The following HELQ variants were observed in gnomAD, a reference collection of about 807,000 sequenced individuals.
HELQ encodes helicase, POLQ like, also known as helicase POLQ-like.
In HELQ, 77 loss-of-function variants were observed where a neutral mutation model predicts 111.6. The ratio of observed to expected loss-of-function variants is 0.69; its 90% CI spans 0.57 to 0.83. The LOEUF (loss-of-function observed/expected upper bound fraction) is 0.83. HELQ is among the 40% of genes least tolerant of loss of function. The pLI is 0.00. For missense variants in HELQ, 1,200 were observed against 1,288.5 expected (o/e 0.93, Z 1.05); for synonymous variants, 438 against 454.7 (o/e 0.96, Z 0.47).
chr4:83,441,428 T>C, intron 6 of HELQ, 25 bp from the exon 7 acceptor site: 3 of 1,038,050 alleles, frequency 2.9e-6, no homozygotes, highest in Non-Finnish European at 3.0e-6. Flanking sequence ...ACATTTGCAA[T>C]TAATACGACA....
At chr4:83,433,186 T>A (rs942870624) in intron 9 of HELQ, among the ~76,000 whole-genome samples, 3 of 152,170 alleles carry the variant, frequency 2.0e-5, no homozygotes, top group African/African-American at 7.2e-5. Flanking sequence ...TCCTCTTTAT[T>A]TATAAATCTC....
At chr4:83,413,637 A>G (rs2109962866) in intron 17 of HELQ, among the ~76,000 whole-genome samples, 1 of 152,326 alleles carries the variant, frequency 6.6e-6, no homozygotes, top group African/African-American at 2.4e-5. Flanking sequence ...GTTTTCTAGT[A>G]ACCAACAGTA....
At chr4:83,407,778 A>C (rs1193006054) in intron 17 of HELQ, among the ~76,000 whole-genome samples, 1 of 152,226 alleles carries the variant, frequency 6.6e-6, no homozygotes, top group African/African-American at 2.4e-5. Context: ...ACTGCCTTTT[A>C]GTATACCAAA....
intron 17 of HELQ, among the ~76,000 whole-genome samples, chr4:83,408,810 G>T (rs1184744610): frequency 3.3e-5 from 5 of 151,608 alleles, no homozygotes; most frequent in African/African-American, 4.8e-5. Context: ...GAAATAGAGG[G>T]TCTAAAATGA....
intron 2 of HELQ, among the ~76,000 whole-genome samples, chr4:83,452,949 C>T (rs1721475939): frequency 6.6e-6 from 1 of 151,508 alleles, no homozygotes; most frequent in South Asian, 2.1e-4. Context: ...GACTTGCTAA[C>T]AACTTATTAT....
intron 1 of HELQ, among the ~76,000 whole-genome samples, chr4:83,454,732 G>T (rs1721643993): frequency 6.6e-6 from 1 of 151,930 alleles, no homozygotes; most frequent in Admixed American, 6.6e-5. Flanking sequence ...CGGCCAGATT[G>T]TAATTCTTAA....
At chr4:83,420,689 G>A (rs1739631151) in intron 15 of HELQ, among the ~76,000 whole-genome samples, 2 of 152,122 alleles carry the variant, frequency 1.3e-5, no homozygotes, top group South Asian at 4.1e-4. Flanking sequence ...AGAGGTTGAG[G>A]CAGGAGAATT....
At chr4:83,442,260 ATTT>A (rs70949710) in intron 6 of HELQ, among the ~76,000 whole-genome samples, 3 of 82,054 alleles carry the variant, frequency 3.7e-5, no homozygotes, top group African/African-American at 1.5e-4. Flanking sequence ...AAAAACATCA[ATTT>A]TTTTTTTTTT....
chr4:83,454,590 AT>A (rs1165924514), intron 1 of HELQ, among the ~76,000 whole-genome samples: 69 of 144,696 alleles, frequency 4.8e-4, no homozygotes, highest in African/African-American at 5.6e-4. Context: ...AGAAAAAAAA[AT>A]TTTTTTTTTT....
chr4:83,455,486 C>G lies in HELQ; in HGVS notation c.208G>C (p.Asp70His), dbSNP rs142407776. ...PVEVQPLLLSDSPECLVLGGG... is the reference protein window; with the variant it reads ...PVEVQPLLLSHSPECLVLGGG... ...CCAAGGACGAGACATTCCGGGGAAT[C>G]TGAGAGTAGAAGGGGCTGTACCTCA... The change falls in exon 1 of 18, where the codon GAT (aspartate) becomes CAT (histidine). Residue 70 changes from aspartate (D) to histidine (H), a missense_variant. Asp to His is a moderately conservative substitution (Grantham distance 81). Around this residue, in one of 3 missense-constraint regions of HELQ, gnomAD observed 610 missense variants for 607.1 expected, o/e 1.00. Transcript: ENST00000295488. The G allele has an allele frequency of 4.5e-5, 73 of 1,614,218 alleles. No homozygotes were observed. In the African/African-American group the frequency reaches 8.4e-4, roughly 19 times the overall value.
chr4:83,455,689 T>A lies in HELQ; in HGVS notation c.5A>T (p.Asp2Val), dbSNP rs748123074. M[D>V]ECGSRIRRRV... is the part of the protein sequence containing the mutation. ...CCGGCGGATGCGGGAACCACATTCATCCATGGCAAGGACCCAGGGCCCTAT... is the reference window on the plus strand; with the variant it reads ...CCGGCGGATGCGGGAACCACATTCAACCATGGCAAGGACCCAGGGCCCTAT... Residue 2 changes from aspartate (D) to valine (V), a missense_variant, in exon 1 of 18, where the codon GAT becomes GTT. Coordinates refer to ENST00000295488, the MANE Select transcript of HELQ (RefSeq NM_133636.5). 6.2e-7 allele frequency: 1 copy of A among 1,605,612 alleles called. No individual in the cohort carries two copies. The highest frequency in any genetic ancestry group is 8.5e-7 in the Non-Finnish European group (1 of 1,179,722).
intron 1 of HELQ, chr4:83,455,194 G>A (rs1353443721): frequency 1.9e-6 from 2 of 1,068,914 alleles, no homozygotes; most frequent in Non-Finnish European, 2.6e-6. Context: ...CTTAACTGCT[G>A]CGTGCACAAC....
chr4:83,448,697 AACAAT>A, intron 3 of HELQ, 81 bp downstream of exon 3: 2 of 1,185,386 alleles, frequency 1.7e-6, no homozygotes, highest in Non-Finnish European at 2.4e-6. Context: ...GGTACTTCTC[AACAAT>A]ACAAAGTTAT....
At chr4:83,451,935 C>T (rs939520272) in intron 2 of HELQ, among the ~76,000 whole-genome samples, 6 of 152,158 alleles carry the variant, frequency 3.9e-5, no homozygotes. Context: ...GTCTTCTCTG[C>T]AAGAACCCAA....
At chr4:83,413,686 T>C (rs1437970584) in intron 17 of HELQ, among the ~76,000 whole-genome samples, 1 of 152,208 alleles carries the variant, frequency 6.6e-6, no homozygotes, top group African/African-American at 2.4e-5. Context: ...TGAGGTTGGC[T>C]CAGAAGACTT....
At chr4:83,455,267 ACCT>A in intron 1 of HELQ, 127 bp downstream of exon 1, 1 of 1,506,068 alleles carries the variant, frequency 6.6e-7, no homozygotes, top group Non-Finnish European at 8.9e-7. Flanking sequence ...GGCAATCAAT[ACCT>A]CCTAAGTGCC....
intron 15 of HELQ, 98 bp from the exon 16 acceptor site, chr4:83,418,304 A>C: frequency 1.7e-6 from 1 of 584,926 alleles, no homozygotes. Flanking sequence ...TTCCTTACAT[A>C]AGTTCTGGAA....
chr4:83,432,842 T>C (rs750589642), intron 9 of HELQ, among the ~76,000 whole-genome samples: 9 of 151,648 alleles, frequency 5.9e-5, no homozygotes, highest in Non-Finnish European at 8.8e-5. Context: ...AGTCCAGGAG[T>C]TTGAGACCAG....
intron 4 of HELQ, among the ~76,000 whole-genome samples, chr4:83,446,313 A>C (rs1389839148): frequency 2.5e-5 from 3 of 117,678 alleles, no homozygotes; most frequent in Non-Finnish European, 5.8e-5. Context: ...CTACTAAAAA[A>C]ATTTTTTTTT....
Sources: gnomAD v4.1 joint callset for allele counts (sites outside exome capture counted in the v4.1 genomes callset) on GRCh38, gnomAD v4.1.1 for gene constraint, gnomAD v4.1.1 regional missense constraint, MANE v1.5 for transcripts, NCBI Gene and HGNC (gene_info 2026-07-23, HGNC 2026-07-21) for gene names.